PTGFRN: variants seen among roughly 807,000 people sequenced by gnomAD.
The protein encoded by PTGFRN is prostaglandin F2 receptor inhibitor, also known as prostaglandin F2 receptor negative regulator.
A neutral mutation model predicts 83.2 loss-of-function variants in PTGFRN; 35 were observed. The ratio of observed to expected loss-of-function variants is 0.42; its 90% CI spans 0.32 to 0.56. PTGFRN has a LOEUF of 0.56. PTGFRN is among the 20% of genes least tolerant of loss of function. PTGFRN has a pLI of 0.11. For synonymous variants in PTGFRN, 519 were observed against 498.6 expected (o/e 1.04, Z -0.55); for missense variants, 1,051 against 1,179.5 (o/e 0.89, Z 1.60).
At chr1:116,931,246 C>G (rs1454487754) in intron 1 of PTGFRN, among the ~76,000 whole-genome samples, 1 of 152,128 alleles carries the variant, frequency 6.6e-6, no homozygotes, top group Non-Finnish European at 1.5e-5. Flanking sequence ...AATCTGAAAT[C>G]CCAAACACTT....
Position 116,961,757 on chromosome 1 carries a change from T to C in PTGFRN, c.1639+89T>C, listed in dbSNP as rs1163300884. 8.0e-7 allele frequency: 1 copy of C among 1,253,788 alleles called. No individual in the cohort carries two copies. The highest frequency in any genetic ancestry group is 2.5e-5 in the Admixed American group (1 of 40,784). 77.7% of individuals were successfully genotyped at this position (1,253,788 alleles called of 1,614,324 possible). A position where few individuals can be genotyped will look rare whatever the true frequency, so the allele number is the denominator to read the frequency against. ...TTGATGCACAGTCACCCTCTGCAGGTTATCACTTACACTAGGAATGTGTGT... is the reference window on the plus strand; with the variant it reads ...TTGATGCACAGTCACCCTCTGCAGGCTATCACTTACACTAGGAATGTGTGT... On this transcript the variant is annotated intron_variant, in intron 5 of 8. Transcript: ENST00000393203. The surrounding 1 kb of genome is among the most constrained non-coding windows in gnomAD (Gnocchi z 5.4).
chr1:116,977,033 A>G (rs894666146), intron 7 of PTGFRN, among the ~76,000 whole-genome samples: 10 of 152,216 alleles, frequency 6.6e-5, no homozygotes, highest in African/African-American at 2.4e-4. Context: ...AGGAAATTCT[A>G]CCAAGCAAAT....
chr1:116,970,079 T>G (rs964707317), intron 6 of PTGFRN, among the ~76,000 whole-genome samples: 1 of 152,214 alleles, frequency 6.6e-6, no homozygotes, highest in African/African-American at 2.4e-5. Flanking sequence ...AAGCTGAATA[T>G]CTTCTATTTC....
chr1:116,928,383 A>G (rs759505651), intron 1 of PTGFRN, among the ~76,000 whole-genome samples: 2 of 152,138 alleles, frequency 1.3e-5, no homozygotes, highest in Non-Finnish European at 2.9e-5. Context: ...CTTCCTTTTC[A>G]GTCCATCAGG....
In PTGFRN at chr1:116,949,252, C is replaced by T; in HGVS notation, c.893C>T (p.Thr298Ile). 1 of 1,613,842 alleles carries T rather than the reference C, an allele frequency of 6.2e-7. No individual in the cohort carries two copies. The highest frequency in any genetic ancestry group is 8.5e-7 in the Non-Finnish European group (1 of 1,179,782). Residue 298 changes from threonine to isoleucine, a missense_variant, in exon 4 of 9, where the codon ACC becomes ATC. Transcript: ENST00000393203. Reference sequence around the variant, plus strand: ...GCTGAAGGAAAGGAACTGGACCTGACCTGTAACATCACAACAGACCGAGCC... The same window carrying T: ...GCTGAAGGAAAGGAACTGGACCTGATCTGTAACATCACAACAGACCGAGCC... ...SVAEGKELDL[T>I]CNITTDRADD... is the part of the protein sequence containing the mutation.
chr1:116,979,206 C>T (rs1389965415), intron 7 of PTGFRN, among the ~76,000 whole-genome samples: 4 of 152,122 alleles, frequency 2.6e-5, no homozygotes, highest in Non-Finnish European at 5.9e-5. Flanking sequence ...AACCACTGCT[C>T]AACAAAATAA....
chr1:116,983,539 C>A (rs1356103260), intron 7 of PTGFRN, among the ~76,000 whole-genome samples: 1 of 148,432 alleles, frequency 6.7e-6, no homozygotes, highest in African/African-American at 2.5e-5. Context: ...TCAAGTGCCA[C>A]AGTGGGTCAA....
rs1046524775 is a variant in PTGFRN at position 116,989,123 on chromosome 1, G to T, written c.*2156G>T. Reference sequence around the variant, plus strand: ...GTAGGAAGAAAGGGTGCTTAGCTTTGGACCTGACCGGGTGTGTGTAAAACC... The same window carrying T: ...GTAGGAAGAAAGGGTGCTTAGCTTTTGACCTGACCGGGTGTGTGTAAAACC... On this transcript the variant is annotated 3_prime_UTR_variant, in exon 9 of 9. Transcript: ENST00000393203. 5 of 152,248 alleles carry T rather than the reference G, an allele frequency of 3.3e-5. No individual in the cohort carries two copies. The highest frequency in any genetic ancestry group is 1.2e-4 in the African/African-American group (5 of 41,464). 9.4% of individuals were successfully genotyped at this position (152,248 alleles called of 1,614,324 possible). A position where few individuals can be genotyped will look rare whatever the true frequency, so the allele number is the denominator to read the frequency against.
chr1:116,980,566 G>A (rs922822973), intron 7 of PTGFRN, among the ~76,000 whole-genome samples: 5 of 152,198 alleles, frequency 3.3e-5, no homozygotes, highest in African/African-American at 1.2e-4. Context: ...GGACATGGAT[G>A]AAGCTGGAAA....
In PTGFRN at chr1:116,984,936, G is replaced by A. The variant is rs1651420414; in HGVS notation, c.2424G>A (p.Lys808=). 6.2e-7 allele frequency: 1 copy of A among 1,614,226 alleles called. No homozygotes were observed. The highest frequency in any genetic ancestry group is 1.7e-5 in the Admixed American group (1 of 60,030). ...AGTCACCAACAGGTTCCTGGCAGAAGGAGGCAGAGATCCACTCCAAGCCCG... is the reference window on the plus strand; with the variant it reads ...AGTCACCAACAGGTTCCTGGCAGAAAGAGGCAGAGATCCACTCCAAGCCCG... ...WVKSPTGSWQ[K]EAEIHSKPVF... Residue 808 remains lysine, a synonymous_variant, in exon 8 of 9, where the codon AAG becomes AAA. Transcript: ENST00000393203.
intron 1 of PTGFRN, among the ~76,000 whole-genome samples, chr1:116,913,764 A>G (rs1649332825): frequency 6.6e-6 from 1 of 152,192 alleles, no homozygotes; most frequent in Non-Finnish European, 1.5e-5. Flanking sequence ...TATCTGTGGG[A>G]ATGGGTAGCC....
chr1:116,932,381 A>C (rs1254665933), intron 1 of PTGFRN, among the ~76,000 whole-genome samples: 1 of 152,206 alleles, frequency 6.6e-6, no homozygotes, highest in African/African-American at 2.4e-5. Flanking sequence ...TACTTTCTTG[A>C]GTATTCCAGA....
intron 2 of PTGFRN, among the ~76,000 whole-genome samples, chr1:116,942,451 G>C (rs1453521327): frequency 1.3e-5 from 2 of 152,110 alleles, no homozygotes; most frequent in Non-Finnish European, 2.9e-5. Flanking sequence ...GCATGGCTGT[G>C]GGCATGTTAC....
chr1:116,960,443 A>AG (rs986853239), intron 4 of PTGFRN, among the ~76,000 whole-genome samples: 1 of 152,122 alleles, frequency 6.6e-6, no homozygotes, highest in Non-Finnish European at 1.5e-5. Context: ...CAGAGGAAGG[A>AG]GGGGTTTTTC....
In PTGFRN at chr1:116,961,580, G is replaced by A. The variant is rs764595289; in HGVS notation, c.1551G>A (p.Val517=). 25 of 1,614,212 alleles carry A rather than the reference G, an allele frequency of 1.5e-5. No individual in the cohort carries two copies. The East Asian group carries it at 5.3e-4, about 35-fold the overall frequency. The change falls in exon 5 of 9, where the codon GTG becomes GTA. Residue 517 remains valine (V), a synonymous_variant. Transcript: ENST00000393203. This position sits in a 1 kb window ranked among gnomAD's most constrained non-coding sequence, Gnocchi z 5.4. The part of the protein sequence containing the change: ...EEDRGNYYCV[V]SAWTKQRNNS... ...ACAGAGGCAATTATTACTGTGTTGT[G>A]TCTGCCTGGACCAAACAGCGGAACA...
chr1:116,938,140 A>T (rs1333947992), intron 1 of PTGFRN, among the ~76,000 whole-genome samples: 1 of 152,200 alleles, frequency 6.6e-6, no homozygotes, highest in Non-Finnish European at 1.5e-5. Flanking sequence ...TCAGAGAATT[A>T]GTCACTGCTG....
chr1:116,910,478 C>T (rs2101046933), intron 1 of PTGFRN, among the ~76,000 whole-genome samples: 1 of 151,622 alleles, frequency 6.6e-6, no homozygotes, highest in South Asian at 2.1e-4. Context: ...GTGCAAGTGG[C>T]CGCTCCGCCA....
chr1:116,921,880 G>T (rs1439685329), intron 1 of PTGFRN, among the ~76,000 whole-genome samples: 1 of 152,182 alleles, frequency 6.6e-6, no homozygotes, highest in Admixed American at 6.5e-5. Context: ...AGCAGGTGGG[G>T]CTGGAGAGTC....
chr1:116,941,709 T>C lies in PTGFRN; in HGVS notation c.50-6T>C, dbSNP rs1650064699. ...AAGACCTGCCTTTCATCTTTTATCA[T>C]TGCAGCTCTTTGCCGAGGGCGTGTG... On this transcript the variant is annotated splice_region_variant and splice_polypyrimidine_tract_variant and intron_variant, in intron 1 of 8. Transcript: ENST00000393203. This position sits in a 1 kb window ranked among gnomAD's most constrained non-coding sequence, Gnocchi z 5.0. 6.2e-7 allele frequency: 1 copy of C among 1,605,726 alleles called. No homozygotes were observed.
Sources: gnomAD v4.1 joint callset for allele counts (sites outside exome capture counted in the v4.1 genomes callset) on GRCh38, gnomAD v4.1.1 for gene constraint, Gnocchi (gnomAD v3.1) non-coding constraint, MANE v1.5 for transcripts, NCBI Gene and HGNC (gene_info 2026-07-23, HGNC 2026-07-21) for gene names.